TBC1D5: variants seen among roughly 807,000 people sequenced by gnomAD.
TBC1D5 encodes TBC1 domain family member 5.
TBC1D5 carries 75 observed loss-of-function variants against 100.3 expected under a neutral mutation model. The ratio of observed to expected loss-of-function variants is 0.75; its 90% CI spans 0.62 to 0.91. The LOEUF (loss-of-function observed/expected upper bound fraction) is 0.91, where lower values mean the gene tolerates loss of function less well. Ranked by LOEUF, TBC1D5 falls within the 40% of genes least tolerant of loss-of-function variation. The pLI is 0.00. For missense variants in TBC1D5, 910 were observed against 942.4 expected (o/e 0.97, Z 0.45); for synonymous variants, 323 against 325.6 (o/e 0.99, Z 0.09).
At position 17,559,616 on chromosome 3, in the gene TBC1D5, G is replaced by C. The variant is rs556555025; in HGVS notation, c.-35-51011C>G. On this transcript the variant is annotated intron_variant, in intron 2 of 21. Coordinates refer to ENST00000253692, the Ensembl canonical transcript of TBC1D5. ...AGAATTTTTTTTTTTTTGAGGTGGAGTCTTGCACTGTTGCCCTGGCTGGAG... is the reference window on the plus strand; with the variant it reads ...AGAATTTTTTTTTTTTTGAGGTGGACTCTTGCACTGTTGCCCTGGCTGGAG... 1.5e-4 allele frequency among the ~76,000 whole-genome samples: 23 copies of C among 150,582 alleles called. No individual in the cohort carries two copies. The South Asian group carries it at 4.8e-3, about 32-fold the overall frequency.
In TBC1D5 at chr3:17,217,626, G is replaced by A. The variant is rs558640683; in HGVS notation, c.1589-3256C>T. Among the ~76,000 whole-genome samples, 4 of 152,166 alleles carry A rather than the reference G, an allele frequency of 2.6e-5. No homozygotes were observed. The East Asian group carries it at 7.7e-4, about 29-fold the overall frequency. On this transcript the variant is annotated intron_variant, in intron 17 of 21. Coordinates refer to ENST00000253692, the Ensembl canonical transcript of TBC1D5. Reference sequence around the variant, plus strand: ...GATTTGCAATTTTCCAATGGCTCATGATGCTTAGCATCTTTTCAGGTGCTT... The same window carrying A: ...GATTTGCAATTTTCCAATGGCTCATAATGCTTAGCATCTTTTCAGGTGCTT...
At chr3:17,277,103 C>T (rs2149806464) in intron 15 of TBC1D5, among the ~76,000 whole-genome samples, 1 of 152,304 alleles carries the variant, frequency 6.6e-6, no homozygotes, top group Middle Eastern at 3.4e-3. Context: ...AGCAGTTGGT[C>T]AACCTCACTA....
intron 18 of TBC1D5, among the ~76,000 whole-genome samples, chr3:17,190,981 C>G (rs1239175663): frequency 1.3e-5 from 2 of 152,172 alleles, no homozygotes; most frequent in Non-Finnish European, 2.9e-5. Context: ...TCGGAGGAAG[C>G]TGTGGTGTAC....
chr3:17,683,024 C>T (rs950666716), intron 1 of TBC1D5, among the ~76,000 whole-genome samples: 4 of 151,468 alleles, frequency 2.6e-5, no homozygotes, highest in Non-Finnish European at 5.9e-5. Flanking sequence ...ATCTTTTCCT[C>T]TTAGTCTCAT....
At chr3:17,467,787 C>T (rs1195974356) in intron 3 of TBC1D5, among the ~76,000 whole-genome samples, 1 of 152,038 alleles carries the variant, frequency 6.6e-6, no homozygotes, top group Non-Finnish European at 1.5e-5. Context: ...ATCCTAGCTA[C>T]TCAAGAGACT....
rs138309346 is a variant in TBC1D5, at chr3:17,460,800, A to G, written c.98-32281T>C. On this transcript the variant is annotated intron_variant, in intron 3 of 21. Transcript: ENST00000253692. ...ATACTACATAGAAATGTTGGAAATT[A>G]TACAATAAAAAAAATTAACTTCAAT... 2.6e-5 allele frequency among the ~76,000 whole-genome samples: 4 copies of G among 152,240 alleles called. No homozygotes were observed. The East Asian group carries it at 7.7e-4, about 29-fold the overall frequency.
intron 13 of TBC1D5, among the ~76,000 whole-genome samples, chr3:17,345,449 G>T (rs556345381): frequency 7.9e-5 from 12 of 152,150 alleles, no homozygotes; most frequent in African/African-American, 2.9e-4. Context: ...TGGAGAAATA[G>T]GAACACTTTT....
chr3:17,516,469 TAATA>T (rs2153275526), intron 2 of TBC1D5, among the ~76,000 whole-genome samples: 1 of 152,318 alleles, frequency 6.6e-6, no homozygotes, highest in East Asian at 1.9e-4. Flanking sequence ...AGGTGTTATA[TAATA>T]AATGATTAAT....
chr3:17,411,781 T>G (rs1226536019), intron 4 of TBC1D5, among the ~76,000 whole-genome samples: 1 of 152,170 alleles, frequency 6.6e-6, no homozygotes, highest in Non-Finnish European at 1.5e-5. Flanking sequence ...TGTACCTTGA[T>G]TACGGTGTTG....
chr3:17,741,168 T>C (rs2077398569), upstream of TBC1D5, among the ~76,000 whole-genome samples: 1 of 152,220 alleles, frequency 6.6e-6, no homozygotes. Context: ...TTATCAGAAA[T>C]GTACAATATC....
intron 2 of TBC1D5, among the ~76,000 whole-genome samples, chr3:17,536,229 A>T (rs1178715842): frequency 3.3e-5 from 5 of 152,152 alleles, no homozygotes; most frequent in African/African-American, 9.7e-5. Context: ...TTTCAAAAAT[A>T]TAATGGTTAT....
chr3:17,497,547 A>C (rs1430962093), intron 3 of TBC1D5, among the ~76,000 whole-genome samples: 1 of 152,222 alleles, frequency 6.6e-6, no homozygotes, highest in Admixed American at 6.5e-5. Context: ...CATCATGTCA[A>C]CATTTCTGAT....
chr3:17,700,252 G>C (rs978630410), intron 1 of TBC1D5, among the ~76,000 whole-genome samples: 5 of 151,954 alleles, frequency 3.3e-5, no homozygotes, highest in African/African-American at 9.7e-5. Context: ...TTAATAAATG[G>C]TGCTGGGAAA....
chr3:17,403,975 T>G (rs531916152), intron 7 of TBC1D5, among the ~76,000 whole-genome samples: 1 of 152,238 alleles, frequency 6.6e-6, no homozygotes, highest in East Asian at 1.9e-4. Flanking sequence ...CGGGTTAAGT[T>G]TTTCTACAGA....
chr3:17,209,654 C>A (rs1336232610), intron 18 of TBC1D5, among the ~76,000 whole-genome samples: 2 of 152,188 alleles, frequency 1.3e-5, no homozygotes, highest in Non-Finnish European at 2.9e-5. Flanking sequence ...AAATTCTAAT[C>A]CCAGCTCAGT....
At chr3:17,274,618 T>C (rs1211153144) in intron 15 of TBC1D5, among the ~76,000 whole-genome samples, 1 of 152,222 alleles carries the variant, frequency 6.6e-6, no homozygotes, top group Admixed American at 6.5e-5. Context: ...ACTATTCCTG[T>C]CACTTTTCTG....
At chr3:17,678,089 T>C (rs1254477780) in intron 1 of TBC1D5, among the ~76,000 whole-genome samples, 1 of 152,160 alleles carries the variant, frequency 6.6e-6, no homozygotes, top group Non-Finnish European at 1.5e-5. Flanking sequence ...TGTATACATA[T>C]GTAACAAACC....
At chr3:17,676,508 A>T (rs1384793905) in intron 1 of TBC1D5, among the ~76,000 whole-genome samples, 1 of 152,230 alleles carries the variant, frequency 6.6e-6, no homozygotes, top group Non-Finnish European at 1.5e-5. Flanking sequence ...AAGAGGACAC[A>T]AACAAATGGA....
chr3:17,468,312 T>G (rs2095332968), intron 3 of TBC1D5, among the ~76,000 whole-genome samples: 1 of 152,194 alleles, frequency 6.6e-6, no homozygotes, highest in Non-Finnish European at 1.5e-5. Flanking sequence ...CACTTGCTAT[T>G]TCCTCAGTTT....
Sources: allele counts gnomAD v4.1 joint callset (sites outside exome capture counted in the v4.1 genomes callset), GRCh38; gene constraint gnomAD v4.1.1; transcripts MANE v1.5; gene names NCBI Gene and HGNC (gene_info 2026-07-23, HGNC 2026-07-21).